CD5: variants seen among roughly 807,000 people sequenced by gnomAD.
CD5 encodes the protein T-cell surface glycoprotein CD5.
In CD5, 36 loss-of-function variants were observed where a neutral mutation model predicts 60.3. The observed-to-expected ratio is 0.60, with a 90% CI of 0.46 to 0.79. The LOEUF (loss-of-function observed/expected upper bound fraction) is 0.79. Ranked by LOEUF, CD5 falls within the 30% of genes least tolerant of loss-of-function variation. The pLI is 0.00. For missense variants in CD5, 540 were observed against 630.6 expected (o/e 0.86, Z 1.54); for synonymous variants, 230 against 257.6 (o/e 0.89, Z 1.03).
intron 10 of CD5, 55 bp downstream of exon 10, chr11:61,125,896 G>A (rs1442146978): frequency 9.3e-6 from 12 of 1,293,990 alleles, no homozygotes; most frequent in Non-Finnish European, 9.6e-6. Flanking sequence ...CAGTCCTGGG[G>A]GTGAGCAGCA....
At chr11:61,101,977 C>T (rs574738249), upstream of CD5, among the ~76,000 whole-genome samples, 74 of 152,126 alleles carry the variant, frequency 4.9e-4, no homozygotes, top group African/African-American at 1.6e-3. Context: ...GCATTCATGG[C>T]GCAGCCATCT....
Position 61,118,903 on chromosome 11 carries a change from G to A in CD5, c.401-12G>A. On this transcript the variant is annotated splice_polypyrimidine_tract_variant and intron_variant, in intron 3 of 10. Coordinates refer to ENST00000347785, the MANE Select transcript of CD5 (RefSeq NM_014207.4). This position sits in a 1 kb window ranked among gnomAD's most constrained non-coding sequence, Gnocchi z 4.7. The stretch of plus-strand genomic sequence containing the variant: ...CCACCCATTCCTCCCTCACCAGAGT[G>A]TCTCATTGCAGAACCCCAGAAGACA... 5 of 1,611,932 alleles carry A rather than the reference G, an allele frequency of 3.1e-6. No homozygotes were observed. The highest frequency in any genetic ancestry group is 4.2e-6 in the Non-Finnish European group (5 of 1,178,332).
At chr11:61,116,513 ACACAC>A (rs1565185026) in intron 2 of CD5, among the ~76,000 whole-genome samples, 1 of 113,310 alleles carries the variant, frequency 8.8e-6, no homozygotes, top group African/African-American at 3.6e-5. Flanking sequence ...CACCACACAC[ACACAC>A]CACCACACAC....
At chr11:61,110,799 G>T (rs1345073544) in intron 1 of CD5, among the ~76,000 whole-genome samples, 2 of 152,202 alleles carry the variant, frequency 1.3e-5, no homozygotes, top group Admixed American at 6.5e-5. Context: ...CTGTGGTGAG[G>T]ACTGGGAGAG....
At chr11:61,108,562 C>CAGAT (rs1776892037) in intron 1 of CD5, among the ~76,000 whole-genome samples, 1 of 152,222 alleles carries the variant, frequency 6.6e-6, no homozygotes, top group Non-Finnish European at 1.5e-5. Context: ...TCCAACTCTA[C>CAGAT]AGATGACTGT....
At chr11:61,119,044 A>T in intron 4 of CD5, 67 bp downstream of exon 4, 1 of 1,385,650 alleles carries the variant, frequency 7.2e-7, no homozygotes, top group East Asian at 2.3e-5. Context: ...ATGCCCAGTT[A>T]CATTGGAATT....
chr11:61,095,195 C>T, the CD5 span, among the ~76,000 whole-genome samples: 8 of 152,118 alleles, frequency 5.3e-5, no homozygotes, highest in African/African-American at 1.9e-4. Context: ...GCACCTACAA[C>T]TCCACCAGAT....
chr11:61,108,595 T>C (rs1023654011), intron 1 of CD5, among the ~76,000 whole-genome samples: 1 of 152,226 alleles, frequency 6.6e-6, no homozygotes, highest in Non-Finnish European at 1.5e-5. Flanking sequence ...GAGGGGCTTC[T>C]GACCTTTCAA....
intron 1 of CD5, among the ~76,000 whole-genome samples, chr11:61,109,033 G>C (rs1395639534): frequency 6.6e-6 from 1 of 152,212 alleles, no homozygotes; most frequent in East Asian, 1.9e-4. Context: ...GAGTGAGCCA[G>C]AGGCAGGGGC....
chr11:61,123,857 G>T, intron 7 of CD5, 27 bp from the exon 8 acceptor site: 1 of 1,334,892 alleles, frequency 7.5e-7, no homozygotes. Context: ...CCACCACTCT[G>T]ATGTGCCTTT....
chr11:61,118,148 C>A lies in CD5; in HGVS notation c.95-27C>A, dbSNP rs750176132. On this transcript the variant is annotated intron_variant, in intron 2 of 10. Coordinates refer to ENST00000347785, the MANE Select transcript of CD5 (RefSeq NM_014207.4). This position sits in a 1 kb window ranked among gnomAD's most constrained non-coding sequence, Gnocchi z 4.7. ...CAGTGGGGAACCCCTCCCAGCCTGACCCCCACCACACCTTTCTGACCCCCA... is the reference window on the plus strand; with the variant it reads ...CAGTGGGGAACCCCTCCCAGCCTGAACCCCACCACACCTTTCTGACCCCCA... The A allele has an allele frequency of 2.9e-5, 46 of 1,603,842 alleles. No homozygotes were observed. In the South Asian group the frequency reaches 4.0e-4, roughly 14 times the overall value.
intron 1 of CD5, among the ~76,000 whole-genome samples, chr11:61,114,592 GA>G (rs1353637050): frequency 6.6e-6 from 1 of 152,150 alleles, no homozygotes; most frequent in African/African-American, 2.4e-5. Context: ...AGTGAGCTGT[GA>G]TCATGCCACT....
chr11:61,119,640 C>A, intron 5 of CD5, 65 bp downstream of exon 5: 2 of 1,188,546 alleles, frequency 1.7e-6, no homozygotes, highest in Non-Finnish European at 2.4e-6. Context: ...ACAGAGCATC[C>A]CAGAAGGTCA....
At chr11:61,102,711 CAT>C (rs1479584893) in intron 1 of CD5, 96 bp downstream of exon 1, 12 of 1,061,622 alleles carry the variant, frequency 1.1e-5, no homozygotes, top group East Asian at 2.6e-5. Flanking sequence ...CTGGGATCCA[CAT>C]GTCAGCCCTC....
At chr11:61,120,201 G>C (rs1336863946) in intron 5 of CD5, among the ~76,000 whole-genome samples, 2 of 152,162 alleles carry the variant, frequency 1.3e-5, no homozygotes, top group Non-Finnish European at 2.9e-5. Flanking sequence ...GGCCAAACCA[G>C]GATCAATGAA....
upstream of CD5, among the ~76,000 whole-genome samples, chr11:61,101,861 C>A (rs1205074475): frequency 1.3e-5 from 2 of 151,874 alleles, no homozygotes; most frequent in Non-Finnish European, 2.9e-5. Flanking sequence ...ACAGAGATGA[C>A]ACACACAACA....
At chr11:61,095,321 G>T in the CD5 span, among the ~76,000 whole-genome samples, 4 of 152,190 alleles carry the variant, frequency 2.6e-5, no homozygotes, top group African/African-American at 9.7e-5. Context: ...CCCTGAGAGA[G>T]CAGTGATATA....
At chr11:61,105,251 G>A (rs567790590) in intron 1 of CD5, among the ~76,000 whole-genome samples, 10 of 152,220 alleles carry the variant, frequency 6.6e-5, no homozygotes, top group Non-Finnish European at 1.0e-4. Flanking sequence ...GCGGGGAAGC[G>A]GCTCTAACAC....
chr11:61,104,332 C>T (rs955700492), intron 1 of CD5, among the ~76,000 whole-genome samples: 2 of 152,166 alleles, frequency 1.3e-5, no homozygotes, highest in African/African-American at 4.8e-5. Flanking sequence ...CCTTCTGTCC[C>T]AAAGTAAGAG....
Sources: gnomAD v4.1 joint callset for allele counts (sites outside exome capture counted in the v4.1 genomes callset) on GRCh38, gnomAD v4.1.1 for gene constraint, Gnocchi (gnomAD v3.1) non-coding constraint, MANE v1.5 for transcripts, NCBI Gene and HGNC (gene_info 2026-07-23, HGNC 2026-07-21) for gene names.